THAP9: variants seen among roughly 807,000 people sequenced by gnomAD.
THAP9 encodes DNA transposase THAP9.
A neutral mutation model predicts 35.7 loss-of-function variants in THAP9; 20 were observed. The ratio of observed to expected loss-of-function variants is 0.56; its 90% confidence interval spans 0.39 to 0.81. THAP9 has a LOEUF of 0.81. Ranked by LOEUF, THAP9 falls within the 40% of genes least tolerant of loss-of-function variation. THAP9 has a pLI of 0.00. For missense variants in THAP9, 870 were observed against 1,047.4 expected, an observed-to-expected ratio of 0.83 and a Z score of 2.34; for synonymous variants, 335 against 373.7, an observed-to-expected ratio of 0.90 and a Z score of 1.19.
rs575736811 is a variant in THAP9 at position 82,910,364 on chromosome 4, A to C, written c.731+2429A>C. ...GTACATAAATACCAGAAAGTGAAAA[A>C]CATAGTACTTCGCTTCCCCTAATCC... is the stretch of plus-strand genomic sequence containing the variant. On this transcript the variant is annotated intron_variant, in intron 4 of 4. Transcript: ENST00000302236. 199 of 153,920 alleles carry C rather than the reference A, an allele frequency of 1.3e-3. 1 individual carries two copies. The South Asian group carries it at 0.013, about 10-fold the overall frequency. The allele number at this position is 153,920 out of a possible 1,614,324, so 9.5% of individuals were successfully genotyped here.
Position 82,909,422 on chromosome 4 carries a change from C to CTGTGTGTG in THAP9, c.731+1498_731+1505dup, listed in dbSNP as rs111834183. On this transcript the variant is annotated intron_variant, in intron 4 of 4. Coordinates refer to ENST00000302236, the MANE Select transcript of THAP9 (RefSeq NM_024672.6). ...TGTTAACATTTAGAGTATTTCCTTC[C>CTGTGTGTG]TGTGTGTGTGTGTGTGTGCACTTAG... Among the ~76,000 whole-genome samples, 152 of 150,614 alleles carry CTGTGTGTG rather than the reference C, an allele frequency of 1.0e-3. No homozygotes were observed. The Middle Eastern group carries it at 0.01, about 10-fold the overall frequency.
In THAP9 at chr4:82,918,477, TAAA is replaced by T. The variant is rs1432607603; in HGVS notation, c.2268_2270del (p.Lys758del). 6.2e-7 allele frequency: 1 copy of T among 1,614,164 alleles called. No individual in the cohort carries two copies. The highest frequency in any genetic ancestry group is 8.5e-7 in the Non-Finnish European group (1 of 1,180,004). On this transcript the variant is annotated inframe_deletion, in exon 5 of 5. Transcript: ENST00000302236. ...CTAAAATTGGGTCACTATTATTTGT[TAAA>T]AAGAAGAATGGTTTGCATTTTCCTT... is the stretch of plus-strand genomic sequence containing the variant.
At chr4:82,908,015 A>C (rs1720723522) in intron 4 of THAP9, 80 bp downstream of exon 4, 2 of 1,371,408 alleles carry the variant, frequency 1.5e-6, no homozygotes, top group East Asian at 2.4e-5. Flanking sequence ...ATTACTCTTT[A>C]GATGTTAAAC....
intron 1 of THAP9, 63 bp from the exon 2 acceptor site, chr4:82,904,666 TATAATAA>T (rs1295582941): frequency 3.4e-5 from 47 of 1,395,276 alleles, no homozygotes; most frequent in Middle Eastern, 3.6e-4. Context: ...GATGGGTTTA[TATAATAA>T]ATACTACTGT....
chr4:82,911,901 A>T (rs1335477834), intron 4 of THAP9, among the ~76,000 whole-genome samples: 5 of 152,222 alleles, frequency 3.3e-5, no homozygotes, highest in Non-Finnish European at 7.3e-5. Flanking sequence ...CTCCATAATG[A>T]TGGAGAAACA....
chr4:82,914,194 T>A (rs1241187408), intron 4 of THAP9, among the ~76,000 whole-genome samples: 2 of 152,204 alleles, frequency 1.3e-5, no homozygotes, highest in Non-Finnish European at 2.9e-5. Flanking sequence ...TATTCCATGG[T>A]GTGTATGTAC....
chr4:82,919,349 A>G lies in THAP9; in HGVS notation c.*425A>G, dbSNP rs1721160143. Reference sequence around the variant, plus strand: ...TTTATGATTCTTAAGAATATTGACAATACCTATAAAACTTTGAAGATAACT... The same window carrying G: ...TTTATGATTCTTAAGAATATTGACAGTACCTATAAAACTTTGAAGATAACT... On this transcript the variant is annotated 3_prime_UTR_variant, in exon 5 of 5. Coordinates refer to ENST00000302236, the MANE Select transcript of THAP9 (RefSeq NM_024672.6). 1 of 153,098 alleles carries G rather than the reference A, an allele frequency of 6.5e-6. No individual in the cohort carries two copies. The highest frequency in any genetic ancestry group is 2.0e-4 in the South Asian group (1 of 4,892). 9.5% of individuals were successfully genotyped at this position (153,098 alleles called of 1,614,324 possible).
intron 4 of THAP9, among the ~76,000 whole-genome samples, chr4:82,915,096 C>T (rs1026452): frequency 0.2 from 31,066 of 152,006 alleles, 3,356 homozygotes; most frequent in South Asian, 0.32. Context: ...TCAGCTTTGT[C>T]GAAGATCAGA....
chr4:82,904,254 G>A (rs1029751407), intron 1 of THAP9, among the ~76,000 whole-genome samples: 9 of 151,602 alleles, frequency 5.9e-5, no homozygotes, highest in East Asian at 5.8e-4. Flanking sequence ...TAGTAGAGAC[G>A]GGGTTTCACC....
Position 82,919,164 on chromosome 4 carries a change from C to G in THAP9, c.*240C>G. 1 of 352,344 alleles carries G rather than the reference C, an allele frequency of 2.8e-6. No individual in the cohort carries two copies. Among genetic ancestry groups the G allele is most frequent in the Non-Finnish European group, 5.1e-6 (1 of 195,632 alleles). 21.8% of individuals were successfully genotyped at this position (352,344 alleles called of 1,614,324 possible). Reference sequence around the variant, plus strand: ...AGGTCAGTAGGAGCAAACTAGCCAACAGGTACTGTCTTTGAATTTACTACT... The same window carrying G: ...AGGTCAGTAGGAGCAAACTAGCCAAGAGGTACTGTCTTTGAATTTACTACT... On this transcript the variant is annotated 3_prime_UTR_variant, in exon 5 of 5. Coordinates refer to ENST00000302236, the MANE Select transcript of THAP9 (RefSeq NM_024672.6).
Position 82,907,773 on chromosome 4 carries a change from T to G in THAP9, c.581-12T>G. ...TATTCATCACAAAGAATAAAAAAAT[T>G]TATTTTAACAGATTTTAAGTGGGAG... is the stretch of plus-strand genomic sequence containing the variant. On this transcript the variant is annotated splice_polypyrimidine_tract_variant and intron_variant, in intron 3 of 4. Coordinates refer to ENST00000302236, the MANE Select transcript of THAP9 (RefSeq NM_024672.6). The G allele has an allele frequency of 1.3e-6, 2 of 1,564,762 alleles. No homozygotes were observed. The highest frequency in any genetic ancestry group is 8.6e-7 in the Non-Finnish European group (1 of 1,161,334).
chr4:82,903,047 A>G (rs1232405178), intron 1 of THAP9, among the ~76,000 whole-genome samples: 1 of 152,242 alleles, frequency 6.6e-6, no homozygotes, highest in Non-Finnish European at 1.5e-5. Context: ...TTTTTGTAGC[A>G]TTTAGCTGAG....
intron 4 of THAP9, chr4:82,910,688 A>G (rs1479516532): frequency 3.5e-6 from 2 of 572,820 alleles, no homozygotes; most frequent in Admixed American, 2.4e-5. Flanking sequence ...ATAAATATTT[A>G]TTGATCAGGA....
rs201791510 is a variant in THAP9, at chr4:82,901,722, T to TG, written c.80+840_80+841insG. Among the ~76,000 whole-genome samples the TG allele has an allele frequency of 2.1e-3, 323 of 150,556 alleles. 1 individual carries two copies. Among genetic ancestry groups the TG allele is most frequent in the Middle Eastern group, 0.021 (6 of 292 alleles). On this transcript the variant is annotated intron_variant, in intron 1 of 4. Coordinates refer to ENST00000302236, the MANE Select transcript of THAP9 (RefSeq NM_024672.6). ...ATAAAATTCATTGATTTTTTTTTTTTTTTGTTTTCTATTTTTTAAATAGGG... is the reference window on the plus strand; with the variant it reads ...ATAAAATTCATTGATTTTTTTTTTTTGTTTGTTTTCTATTTTTTAAATAGGG...
Position 82,917,734 on chromosome 4 carries a change from A to G in THAP9, c.1522A>G (p.Ile508Val). The change falls in exon 5 of 5, where the codon ATC becomes GTC. Residue 508 changes from isoleucine to valine, a missense_variant. Physicochemically the swap from Ile to Val is conservative, Grantham distance 29. Around this residue, in one of 3 missense-constraint regions of THAP9, gnomAD observed 414 missense variants for 500.8 expected, o/e 0.83. Coordinates refer to ENST00000302236, the MANE Select transcript of THAP9 (RefSeq NM_024672.6). ...ACCTTTTCAAAACTGTATTGGTACC[A>G]TCCATTTTTTACGTTTAATTAACAA... ...LPPFQNCIGTIHFLRLINNLF... is the reference protein window; with the variant it reads ...LPPFQNCIGTVHFLRLINNLF... The G allele has an allele frequency of 1.2e-6, 2 of 1,613,930 alleles. No homozygotes were observed. Among genetic ancestry groups the G allele is most frequent in the Non-Finnish European group, 1.7e-6 (2 of 1,179,920 alleles).
intron 4 of THAP9, among the ~76,000 whole-genome samples, chr4:82,908,389 G>A (rs572736448): frequency 2.6e-5 from 4 of 152,224 alleles, no homozygotes; most frequent in South Asian, 2.1e-4. Flanking sequence ...AAAAATCTGC[G>A]TTTTTCATAA....
At chr4:82,916,848 A>T in intron 4 of THAP9, 96 bp from the exon 5 acceptor site, 1 of 1,079,746 alleles carries the variant, frequency 9.3e-7, no homozygotes, top group Non-Finnish European at 1.3e-6. Context: ...CTTTATTTCT[A>T]CAGGGATGGG....
At position 82,917,438 on chromosome 4, in the gene THAP9, T is replaced by C. The variant is rs1721075506; in HGVS notation, c.1226T>C (p.Ile409Thr). ...FQHPSSSSQQ[I>T]AYFFDSCHLL... ...CATCCTTCATCTTCTAGTCAACAGATTGCATACTTCTTTGACTCTTGCCAC... is the reference window on the plus strand; with the variant it reads ...CATCCTTCATCTTCTAGTCAACAGACTGCATACTTCTTTGACTCTTGCCAC... Residue 409 changes from isoleucine to threonine, a missense_variant, in exon 5 of 5, where the codon ATT becomes ACT. Around this residue, in one of 3 missense-constraint regions of THAP9, gnomAD observed 440 missense variants for 501.2 expected, o/e 0.88. Coordinates refer to ENST00000302236, the MANE Select transcript of THAP9 (RefSeq NM_024672.6). The C allele has an allele frequency of 1.2e-6, 2 of 1,614,122 alleles. No homozygotes were observed. The highest frequency in any genetic ancestry group is 1.7e-6 in the Non-Finnish European group (2 of 1,179,982).
At chr4:82,901,041 CTG>C (rs113071931) in intron 1 of THAP9, 159 bp downstream of exon 1, 10 of 861,452 alleles carry the variant, frequency 1.2e-5, no homozygotes, top group African/African-American at 8.3e-5. Context: ...AATTGGGGCA[CTG>C]TGAGAATTGA....
Sources: gnomAD v4.1 joint callset for allele counts (sites outside exome capture counted in the v4.1 genomes callset) on GRCh38, gnomAD v4.1.1 for gene constraint, gnomAD v4.1.1 regional missense constraint, MANE v1.5 for transcripts, NCBI Gene and HGNC (gene_info 2026-07-23, HGNC 2026-07-21) for gene names.